TTC3: variants seen among roughly 807,000 people sequenced by gnomAD.
TTC3 encodes tetratricopeptide repeat domain 3.
TTC3 carries 180 observed loss-of-function variants against 249.6 expected under a neutral mutation model. That is an observed-to-expected ratio of 0.72 (90% CI 0.64 to 0.82). The LOEUF (loss-of-function observed/expected upper bound fraction) is 0.82, where lower values mean the gene tolerates loss of function less well. Ranked by LOEUF, TTC3 falls within the 40% of genes least tolerant of loss-of-function variation. The pLI is 0.00. For synonymous variants in TTC3, 717 were observed against 805.0 expected (o/e 0.89, Z 1.85); for missense variants, 2,061 against 2,398.4 (o/e 0.86, Z 2.94).
chr21:37,173,737 G>A (rs1431938100), intron 35 of TTC3, among the ~76,000 whole-genome samples: 1 of 152,172 alleles, frequency 6.6e-6, no homozygotes, highest in African/African-American at 2.4e-5. Flanking sequence ...GGGTCAGTTT[G>A]TAAAGGTAAC....
intron 17 of TTC3, among the ~76,000 whole-genome samples, chr21:37,133,569 C>G (rs2077654869): frequency 6.6e-6 from 1 of 152,176 alleles, no homozygotes; most frequent in African/African-American, 2.4e-5. Context: ...TTTTGAGCCT[C>G]TGTTTGTTCA....
chr21:37,117,835 C>CAA (rs60664616), intron 11 of TTC3, among the ~76,000 whole-genome samples: 128 of 73,380 alleles, frequency 1.7e-3, no homozygotes, highest in African/African-American at 4.5e-3. Flanking sequence ...TGCGCCACTT[C>CAA]AAAAAAAAAA....
At chr21:37,159,524 C>A in intron 28 of TTC3, 175 bp from the exon 29 acceptor site, 1 of 605,872 alleles carries the variant, frequency 1.7e-6, no homozygotes, top group Non-Finnish European at 2.8e-6. Flanking sequence ...TAGTTGGTTT[C>A]CCGTTTAGTC....
intron 7 of TTC3, chr21:37,093,381 A>AC (rs1194695546): frequency 1.6e-5 from 2 of 128,400 alleles, no homozygotes; most frequent in African/African-American, 6.4e-5. Context: ...CTCCATCTCA[A>AC]AAAAAAAAAA....
At position 37,095,622 on chromosome 21, in the gene TTC3, C is replaced by T. The variant is rs891780479; in HGVS notation, c.782+178C>T. 32 of 430,624 alleles carry T rather than the reference C, an allele frequency of 7.4e-5. No individual in the cohort carries two copies. The Middle Eastern group carries it at 2.6e-3, about 35-fold the overall frequency. The allele number at this position is 430,624 out of a possible 1,614,324, so 26.7% of individuals were successfully genotyped here. On this transcript the variant is annotated intron_variant, in intron 9 of 45. Transcript: ENST00000355666. ...AGATGGCCTGGGTATATGAAGCTAA[C>T]GTAGTAGCATAACTCAAGCAAGTCA...
chr21:37,169,860 AC>A (rs1315530315), intron 34 of TTC3, among the ~76,000 whole-genome samples: 10 of 151,726 alleles, frequency 6.6e-5, no homozygotes, highest in Admixed American at 5.9e-4. Flanking sequence ...AAAAAAAAAA[AC>A]AAAAAACAAA....
chr21:37,138,255 G>A (rs1303781820), intron 18 of TTC3, among the ~76,000 whole-genome samples: 1 of 152,122 alleles, frequency 6.6e-6, no homozygotes. Flanking sequence ...TTGCTTTATT[G>A]TGATGCTCCA....
chr21:37,145,726 A>G (rs943133092), intron 21 of TTC3, among the ~76,000 whole-genome samples: 1 of 152,210 alleles, frequency 6.6e-6, no homozygotes, highest in East Asian at 1.9e-4. Flanking sequence ...AAGGCCTTCA[A>G]TAGCTCCTAC....
rs138809430 is a variant in TTC3, at chr21:37,083,488, A to G, written c.-11-3759A>G. 2,134 of 777,622 alleles carry G rather than the reference A, an allele frequency of 2.7e-3. 3 individuals are homozygous for G. The highest frequency in any genetic ancestry group is 3.2e-3 in the Non-Finnish European group (2,035 of 640,256). 48.2% of individuals were successfully genotyped at this position (777,622 alleles called of 1,614,324 possible). A position where few individuals can be genotyped will look rare whatever the true frequency, so the allele number is the denominator to read the frequency against. ...GAGGAGAAACAGTGAAGGCAGTGGC[A>G]CTGGGCATGAAGAAGTATATGTGTG... On this transcript the variant is annotated intron_variant, in intron 1 of 45. Transcript: ENST00000355666.
At chr21:37,164,845 A>G (rs2081105443) in intron 32 of TTC3, among the ~76,000 whole-genome samples, 1 of 152,174 alleles carries the variant, frequency 6.6e-6, no homozygotes. Context: ...GGTCTGTAAT[A>G]GAGTATTAAT....
chr21:37,101,111 G>A (rs986477217), intron 10 of TTC3: 18 of 152,188 alleles, frequency 1.2e-4, no homozygotes, highest in Admixed American at 7.2e-4. Context: ...AGCTTGAATC[G>A]TTTTTGAATT....
intron 17 of TTC3, among the ~76,000 whole-genome samples, chr21:37,134,387 T>C (rs150059010): frequency 0.01 from 1,554 of 151,536 alleles, 15 homozygotes; most frequent in East Asian, 0.03. Flanking sequence ...GAGGTGGAGG[T>C]TGCAGTGAGC....
chr21:37,160,821 AAAAC>A lies in TTC3; in HGVS notation c.3063_3066del (p.Asn1021LysfsTer14). On this transcript the variant is annotated frameshift_variant, in exon 30 of 46. Transcript: ENST00000355666. LOFTEE classifies it high-confidence loss of function. ...TTTTAGTTTAGTTCAACCAAGGTGAAAAACAAAAGCAAGAAAAAGAAGCCAAAGG... is the reference window on the plus strand; with the variant it reads ...TTTTAGTTTAGTTCAACCAAGGTGAAAAAAGCAAGAAAAAGAAGCCAAAGG... 1 of 1,613,170 alleles carries A rather than the reference AAAAC, an allele frequency of 6.2e-7. No homozygotes were observed. Among genetic ancestry groups the A allele is most frequent in the Non-Finnish European group, 8.5e-7 (1 of 1,179,558 alleles).
intron 22 of TTC3, 97 bp downstream of exon 22, chr21:37,147,700 C>G (rs1601783767): frequency 1.4e-6 from 2 of 1,409,136 alleles, no homozygotes; most frequent in East Asian, 5.3e-5. Context: ...AGTTCTCTGG[C>G]TAGTTAGCAG....
chr21:37,097,921 T>C (rs2074103371), intron 10 of TTC3: 5 of 712,910 alleles, frequency 7.0e-6, no homozygotes, highest in Non-Finnish European at 1.3e-5. Flanking sequence ...ACAGAACACA[T>C]TCTCATGGTA....
At position 37,114,158 on chromosome 21, in the gene TTC3, C is replaced by T. The variant is rs1340990632; in HGVS notation, c.900+5712C>T. On this transcript the variant is annotated intron_variant, in intron 11 of 45. Coordinates refer to ENST00000355666, the Ensembl canonical transcript of TTC3. ...GACTTCATGTCTAAAACACCAAAAG[C>T]AATGGCAACAAAAGCCAAAATTGAC... 1.3e-5 allele frequency among the ~76,000 whole-genome samples: 2 copies of T among 152,062 alleles called. 1 individual carries two copies. The highest frequency in any genetic ancestry group is 4.1e-4 in the South Asian group (2 of 4,826).
chr21:37,122,420 A>ATATATATATATATATAT (rs2076668345), intron 12 of TTC3, among the ~76,000 whole-genome samples: 1 of 33,286 alleles, frequency 3.0e-5, no homozygotes, highest in Non-Finnish European at 6.6e-5. Flanking sequence ...TATATATATA[A>ATATATATATATATATAT]TATATATATA....
chr21:37,168,414 T>C (rs2081433084), intron 34 of TTC3, among the ~76,000 whole-genome samples: 2 of 152,110 alleles, frequency 1.3e-5, no homozygotes, highest in African/African-American at 4.8e-5. Flanking sequence ...TACACTAACC[T>C]ATATAAACCT....
chr21:37,099,959 A>G (rs754337901), intron 10 of TTC3, among the ~76,000 whole-genome samples: 1 of 152,266 alleles, frequency 6.6e-6, no homozygotes, highest in Non-Finnish European at 1.5e-5. Context: ...AATGAACGCA[A>G]TGTTGAGTGA....
Sources: gnomAD v4.1 joint callset for allele counts (sites outside exome capture counted in the v4.1 genomes callset) on GRCh38, gnomAD v4.1.1 for gene constraint, MANE v1.5 for transcripts, NCBI Gene and HGNC (gene_info 2026-07-23, HGNC 2026-07-21) for gene names.